PHF14: variants seen among roughly 807,000 people sequenced by gnomAD.
The protein encoded by PHF14 is PHD finger protein 14.
A neutral mutation model predicts 117.9 loss-of-function variants in PHF14; 55 were observed. The observed-to-expected ratio is 0.47, with a 90% CI of 0.38 to 0.58. The LOEUF (loss-of-function observed/expected upper bound fraction) is 0.58, where lower values mean the gene tolerates loss of function less well. PHF14 is among the 20% of genes least tolerant of loss of function. The pLI is 0.00. For synonymous variants in PHF14, 409 were observed against 368.6 expected, an observed-to-expected ratio of 1.11 and a Z score of -1.26; for missense variants, 978 against 1,122.2, an observed-to-expected ratio of 0.87 and a Z score of 1.84.
chr7:11,070,912 A>G (rs998466137), intron 16 of PHF14, among the ~76,000 whole-genome samples: 6 of 152,220 alleles, frequency 3.9e-5, no homozygotes, highest in African/African-American at 1.4e-4. Flanking sequence ...TTGGGCAGGG[A>G]CATTTCTTTA....
chr7:11,089,896 G>C (rs552083864), intron 16 of PHF14, among the ~76,000 whole-genome samples: 1 of 150,590 alleles, frequency 6.6e-6, no homozygotes, highest in African/African-American at 2.4e-5. Context: ...TCAGCCTCCC[G>C]AGTAAACTGG....
At chr7:11,075,857 C>T (rs552016864) in intron 16 of PHF14, among the ~76,000 whole-genome samples, 35 of 152,146 alleles carry the variant, frequency 2.3e-4, no homozygotes, top group African/African-American at 7.0e-4. Context: ...CTAGGCTGGG[C>T]GCGGTGACTC....
intron 17 of PHF14, among the ~76,000 whole-genome samples, chr7:11,164,145 C>T (rs1016288681): frequency 4.6e-5 from 7 of 152,192 alleles, no homozygotes; most frequent in African/African-American, 1.7e-4. Flanking sequence ...TCTGCACCGT[C>T]TCCCTTCATT....
rs555209380 is a variant in PHF14, at chr7:10,974,672, C to T, written c.2-163C>T. On this transcript the variant is annotated intron_variant, in intron 1 of 17. Coordinates refer to ENST00000634607, the MANE Select transcript of PHF14 (RefSeq NM_001007157.2). ...GCCCGTGGAGCTGTCCAGCCCTCCC[C>T]ACCCTGCTTCTGCACCCCAACCTTC... 9.8e-5 allele frequency among the ~76,000 whole-genome samples: 15 copies of T among 152,300 alleles called. No homozygotes were observed. In the South Asian group the frequency reaches 3.1e-3, roughly 32 times the overall value.
intron 17 of PHF14, among the ~76,000 whole-genome samples, chr7:11,138,499 C>T (rs1788306439): frequency 6.6e-6 from 1 of 152,140 alleles, no homozygotes; most frequent in African/African-American, 2.4e-5. Context: ...GTGCCCTGCG[C>T]ACAATTACCA....
At chr7:11,129,343 A>T (rs1340528407) in intron 17 of PHF14, among the ~76,000 whole-genome samples, 1 of 152,016 alleles carries the variant, frequency 6.6e-6, no homozygotes, top group Admixed American at 6.6e-5. Flanking sequence ...GTTTAAAATC[A>T]TATTCTTTCT....
intron 16 of PHF14, among the ~76,000 whole-genome samples, chr7:11,066,838 C>T (rs969261043): frequency 5.3e-5 from 8 of 152,104 alleles, no homozygotes; most frequent in East Asian, 1.9e-4. Context: ...TAAGCTGTTT[C>T]GTTTTTCTGG....
chr7:11,019,460 C>T (rs532549736), intron 5 of PHF14, among the ~76,000 whole-genome samples: 1 of 152,190 alleles, frequency 6.6e-6, no homozygotes, highest in South Asian at 2.1e-4. Flanking sequence ...CTTCATGGTT[C>T]AATCTTGGTA....
At chr7:10,997,128 C>T (rs189758512) in intron 4 of PHF14, among the ~76,000 whole-genome samples, 147 of 152,280 alleles carry the variant, frequency 9.7e-4, no homozygotes, top group African/African-American at 3.3e-3. Context: ...TTAATGCATA[C>T]GTGCTTTACT....
At chr7:11,155,578 A>G (rs73065414) in intron 17 of PHF14, among the ~76,000 whole-genome samples, 8,380 of 151,894 alleles carry the variant, frequency 0.055, 408 homozygotes, top group East Asian at 0.22. Flanking sequence ...TGCATTAGTC[A>G]TTTTTTGGAG....
At chr7:11,156,729 G>A (rs959100571) in intron 17 of PHF14, among the ~76,000 whole-genome samples, 33 of 152,142 alleles carry the variant, frequency 2.2e-4, no homozygotes, top group African/African-American at 7.2e-4. Flanking sequence ...AGGAGGCAGA[G>A]GTTGCAGTGA....
chr7:11,026,501 CAG>C lies in PHF14; in HGVS notation c.1318-2178_1318-2177del, dbSNP rs543452645. 1.9e-3 allele frequency among the ~76,000 whole-genome samples: 287 copies of C among 152,230 alleles called. 2 individuals are homozygous for C. The highest frequency in any genetic ancestry group is 6.5e-3 in the African/African-American group (269 of 41,554). ...TTAACAGAGGTTATTTGAGCATTAA[CAG>C]ATGTATTTATTGGGCAGCACTTAGA... On this transcript the variant is annotated intron_variant, in intron 6 of 17. Coordinates refer to ENST00000634607, the MANE Select transcript of PHF14 (RefSeq NM_001007157.2).
At position 10,982,677 on chromosome 7, in the gene PHF14, G is replaced by C. The variant is rs1427436275; in HGVS notation, c.418G>C (p.Val140Leu). The C allele has an allele frequency of 2.5e-6, 4 of 1,592,590 alleles. No homozygotes were observed. In the East Asian group the frequency reaches 9.1e-5, roughly 36 times the overall value. The change falls in exon 3 of 18, where the codon GTA (valine) becomes CTA (leucine). Residue 140 changes from valine (V) to leucine (L), a missense_variant. Val to Leu is a conservative substitution (Grantham distance 32, BLOSUM62 1). This residue lies in a region of PHF14 where 414 missense variants were observed against 376.4 expected (regional missense o/e 1.10). Transcript: ENST00000634607. ...AGAGAAGGAAAAAGAAAAAGCAACA[G>C]TATCTGAGAATGTGGCTGCTTCTGC... ...EREKEKEKATVSENVAASAAA... is the reference protein window; with the variant it reads ...EREKEKEKATLSENVAASAAA...
At chr7:11,063,792 T>G in intron 16 of PHF14, 2 of 560,104 alleles carry the variant, frequency 3.6e-6, no homozygotes, top group Non-Finnish European at 4.5e-6. Context: ...AGTGCCATCT[T>G]CTAATTTTGA....
chr7:11,013,322 T>G (rs1339840808), intron 4 of PHF14, among the ~76,000 whole-genome samples: 1 of 151,998 alleles, frequency 6.6e-6, no homozygotes, highest in Non-Finnish European at 1.5e-5. Context: ...CCACCACGCC[T>G]GGATAATTTT....
chr7:10,992,323 G>A (rs951502315), intron 4 of PHF14, among the ~76,000 whole-genome samples: 4 of 150,820 alleles, frequency 2.7e-5, no homozygotes, highest in Non-Finnish European at 5.9e-5. Flanking sequence ...CAAAGTGCTG[G>A]GATTACAGGC....
At chr7:11,066,021 T>G (rs1348616642) in intron 16 of PHF14, among the ~76,000 whole-genome samples, 1 of 152,222 alleles carries the variant, frequency 6.6e-6, no homozygotes. Flanking sequence ...CTTGCCAGAT[T>G]CTCCCCTTTA....
At chr7:11,103,862 A>G (rs1288812136) in intron 16 of PHF14, 41 of 981,412 alleles carry the variant, frequency 4.2e-5, no homozygotes, top group Non-Finnish European at 1.2e-6. Flanking sequence ...GCTTATTGAA[A>G]GATCTCATAA....
At position 11,169,505 on chromosome 7, in the gene PHF14, T is replaced by C; in HGVS notation, c.*15T>C. 1 of 1,338,374 alleles carries C rather than the reference T, an allele frequency of 7.5e-7. No individual in the cohort carries two copies. Among genetic ancestry groups the C allele is most frequent in the Non-Finnish European group, 1.0e-6 (1 of 982,778 alleles). The allele number at this position is 1,338,374 out of a possible 1,614,324, so 82.9% of individuals were successfully genotyped here. On this transcript the variant is annotated 3_prime_UTR_variant, in exon 18 of 18. Transcript: ENST00000634607. ...CAAAGAAATAAAAGATTTTCTGTAG[T>C]GTTTTTGAAAAGTTTGCAGCTTATG...
Sources: gnomAD v4.1 joint callset for allele counts (sites outside exome capture counted in the v4.1 genomes callset) on GRCh38, gnomAD v4.1.1 for gene constraint, gnomAD v4.1.1 regional missense constraint, MANE v1.5 for transcripts, NCBI Gene and HGNC (gene_info 2026-07-23, HGNC 2026-07-21) for gene names.